Variants in ATRNL1 observed in about 807,000 individuals in gnomAD.
ATRNL1 encodes the protein attractin-like protein 1.
ATRNL1 carries 95 observed loss-of-function variants against 182.7 expected under a neutral mutation model. That is an observed-to-expected ratio of 0.52 (90% CI 0.44 to 0.62). The LOEUF (loss-of-function observed/expected upper bound fraction) is 0.62. Ranked by LOEUF, ATRNL1 falls within the 20% of genes least tolerant of loss-of-function variation. The pLI, the probability that ATRNL1 is intolerant of heterozygous loss-of-function variation, is 0.00. For missense variants in ATRNL1, 1,471 were observed against 1,679.5 expected, an observed-to-expected ratio of 0.88 and a Z score of 2.17; for synonymous variants, 576 against 568.3, an observed-to-expected ratio of 1.01 and a Z score of -0.19.
chr10:115,293,091 T>C (rs1852997984), intron 15 of ATRNL1, among the ~76,000 whole-genome samples: 1 of 152,036 alleles, frequency 6.6e-6, no homozygotes, highest in African/African-American at 2.4e-5. Context: ...TTAATCCCTT[T>C]CTTATTGTAT....
intron 28 of ATRNL1, among the ~76,000 whole-genome samples, chr10:115,872,081 T>G (rs1405904022): frequency 6.6e-6 from 1 of 152,198 alleles, no homozygotes; most frequent in African/African-American, 2.4e-5. Context: ...TGAGTTACAG[T>G]GCTATGGAGA....
chr10:115,512,970 C>T (rs1850462073), intron 24 of ATRNL1, among the ~76,000 whole-genome samples: 1 of 151,942 alleles, frequency 6.6e-6, no homozygotes, highest in Non-Finnish European at 1.5e-5. Context: ...CCACATGCAG[C>T]CCAGGACAGC....
At chr10:115,608,323 C>T (rs1332813974) in intron 26 of ATRNL1, among the ~76,000 whole-genome samples, 1 of 152,118 alleles carries the variant, frequency 6.6e-6, no homozygotes, top group South Asian at 2.1e-4. Flanking sequence ...ACGTACAATT[C>T]AGAAATCTGA....
intron 9 of ATRNL1, among the ~76,000 whole-genome samples, chr10:115,225,492 A>AATATAATATAATATAATATAAT (rs1849657338): frequency 6.7e-6 from 1 of 148,238 alleles, no homozygotes; most frequent in Non-Finnish European, 1.5e-5. Context: ...AATATAATAT[A>AATATAATATAATATAATATAAT]ATATAATATA....
chr10:115,128,321 A>G (rs541818182), intron 4 of ATRNL1: 63 of 159,956 alleles, frequency 3.9e-4, no homozygotes, highest in Non-Finnish European at 7.6e-4. Context: ...TTTTATATCT[A>G]GAAGACTGAG....
chr10:115,258,737 C>T (rs1336573720), intron 10 of ATRNL1, among the ~76,000 whole-genome samples: 1 of 152,158 alleles, frequency 6.6e-6, no homozygotes, highest in Non-Finnish European at 1.5e-5. Context: ...TCTGGTTTCT[C>T]CCCATCTTTG....
intron 1 of ATRNL1, among the ~76,000 whole-genome samples, chr10:115,108,012 T>C (rs1592108531): frequency 6.6e-6 from 1 of 152,302 alleles, no homozygotes; most frequent in East Asian, 1.9e-4. Flanking sequence ...TCTATCTTGA[T>C]GAATAGCACG....
intron 28 of ATRNL1, among the ~76,000 whole-genome samples, chr10:115,940,699 T>C (rs201126308): frequency 4.2e-4 from 12 of 28,800 alleles, no homozygotes; most frequent in Non-Finnish European, 6.0e-4. Context: ...CTCTCTCTCT[T>C]CTCTCTCTCT....
chr10:115,714,639 A>G (rs2134026448), intron 26 of ATRNL1, among the ~76,000 whole-genome samples: 1 of 152,304 alleles, frequency 6.6e-6, no homozygotes, highest in Non-Finnish European at 1.5e-5. Context: ...AAACCTTATC[A>G]GAGACCCCAA....
chr10:115,537,969 TG>T (rs1169734506), intron 25 of ATRNL1, among the ~76,000 whole-genome samples: 20 of 152,154 alleles, frequency 1.3e-4, no homozygotes, highest in African/African-American at 4.8e-4. Context: ...GTCATTCAAA[TG>T]GCTTCTTTCC....
chr10:115,257,984 G>A (rs868915115), intron 10 of ATRNL1, among the ~76,000 whole-genome samples: 49 of 152,264 alleles, frequency 3.2e-4, no homozygotes, highest in Admixed American at 2.6e-3. Flanking sequence ...TCTGCTGTTC[G>A]TTTGATGGGC....
At chr10:115,458,770 A>G (rs782440981) in intron 21 of ATRNL1, among the ~76,000 whole-genome samples, 40 of 152,140 alleles carry the variant, frequency 2.6e-4, no homozygotes, top group Admixed American at 3.9e-4. Context: ...TGCAGTCTTG[A>G]AAAAAGAAAG....
At chr10:115,152,859 A>G (rs1379770052) in intron 5 of ATRNL1, among the ~76,000 whole-genome samples, 1 of 152,016 alleles carries the variant, frequency 6.6e-6, no homozygotes, top group African/African-American at 2.4e-5. Context: ...GTTTGTCATA[A>G]ATACCTCTTA....
chr10:115,174,375 A>C (rs1428984051), intron 8 of ATRNL1, among the ~76,000 whole-genome samples: 1 of 151,784 alleles, frequency 6.6e-6, no homozygotes, highest in African/African-American at 2.4e-5. Flanking sequence ...TGACTTTTGA[A>C]ATTTTAAAAT....
In ATRNL1 at chr10:115,946,339, A is replaced by T. The variant is rs190605905; in HGVS notation, c.*1560A>T. On this transcript the variant is annotated 3_prime_UTR_variant, in exon 29 of 29. Transcript: ENST00000355044. ...TATTGTGATATTAAGTGTTTATTTC[A>T]TAATGCCATTTATACATAGCTGAAT... 3.9e-5 allele frequency: 6 copies of T among 152,332 alleles called. No homozygotes were observed. Among genetic ancestry groups the T allele is most frequent in the African/African-American group, 1.2e-4 (5 of 41,576 alleles). The allele number at this position is 152,332 out of a possible 1,614,324, so 9.4% of individuals were successfully genotyped here.
chr10:115,551,067 C>T (rs1554995436), intron 26 of ATRNL1, among the ~76,000 whole-genome samples: 1 of 151,654 alleles, frequency 6.6e-6, no homozygotes, highest in African/African-American at 2.4e-5. Flanking sequence ...ATTTCCTTAC[C>T]TCTTAAAAGA....
intron 28 of ATRNL1, among the ~76,000 whole-genome samples, chr10:115,914,991 A>G (rs1952800564): frequency 6.6e-6 from 1 of 152,258 alleles, no homozygotes; most frequent in South Asian, 2.1e-4. Flanking sequence ...AGTAAGTGAT[A>G]CTGTTTTTCT....
rs868988033 is a variant in ATRNL1 at position 115,532,104 on chromosome 10, C to T, written c.3716+12780C>T. ...TTCTTTTGGCTTAGGATTCACTTGG[C>T]GATGCGGGCTCTTTTTTGGTTCCAT... On this transcript the variant is annotated intron_variant, in intron 25 of 28. Transcript: ENST00000355044. Among the ~76,000 whole-genome samples the T allele has an allele frequency of 5.3e-4, 80 of 151,500 alleles. 1 individual carries two copies. The highest frequency in any genetic ancestry group is 1.9e-4 in the East Asian group (1 of 5,158).
At chr10:115,615,405 T>C (rs1185386372) in intron 26 of ATRNL1, among the ~76,000 whole-genome samples, 2 of 152,156 alleles carry the variant, frequency 1.3e-5, no homozygotes, top group African/African-American at 2.4e-5. Context: ...TGAACACTTT[T>C]TTTTTCTTTT....
Sources: gnomAD v4.1 joint callset for allele counts (sites outside exome capture counted in the v4.1 genomes callset) on GRCh38, gnomAD v4.1.1 for gene constraint, MANE v1.5 for transcripts, NCBI Gene and HGNC (gene_info 2026-07-23, HGNC 2026-07-21) for gene names.